Variants in MFSD6 observed in about 807,000 individuals in gnomAD.
MFSD6 encodes the protein major facilitator superfamily domain containing 6, also known as major facilitator superfamily domain-containing protein 6.
MFSD6 carries 26 observed loss-of-function variants against 56.3 expected under a neutral mutation model. The ratio of observed to expected loss-of-function variants is 0.46; its 90% CI spans 0.34 to 0.64. MFSD6 has a LOEUF of 0.64. Ranked by LOEUF, MFSD6 falls within the 30% of genes least tolerant of loss-of-function variation. The probability of loss-of-function intolerance (pLI) is 0.01; values close to 1 mark genes in which losing one functional copy is unlikely to be tolerated. For missense variants in MFSD6, 750 were observed against 986.2 expected (o/e 0.76, Z 3.21); for synonymous variants, 331 against 366.9 (o/e 0.90, Z 1.12).
At chr2:190,428,683 T>A (rs1685861408) in intron 2 of MFSD6, among the ~76,000 whole-genome samples, 1 of 151,948 alleles carries the variant, frequency 6.6e-6, no homozygotes, top group African/African-American at 2.4e-5. Context: ...ATTTATTTAT[T>A]TATTTATTGA....
rs181702343 is a variant in MFSD6 at position 190,444,209 on chromosome 2, T to C, written c.1532+6648T>C. Among the ~76,000 whole-genome samples, 411 of 152,356 alleles carry C rather than the reference T, an allele frequency of 2.7e-3. 2 individuals carry two copies. The highest frequency in any genetic ancestry group is 5.0e-3 in the Non-Finnish European group (340 of 68,030). On this transcript the variant is annotated intron_variant, in intron 3 of 7. Coordinates refer to ENST00000392328, the MANE Select transcript of MFSD6 (RefSeq NM_017694.4). ...TAATGAAATAAAAGGTAATAACTTT[T>C]CTTAGCACTGGTGAAATGAGACCTG... is the stretch of plus-strand genomic sequence containing the variant.
At chr2:190,422,306 C>A (rs1685646401) in intron 2 of MFSD6, among the ~76,000 whole-genome samples, 1 of 152,128 alleles carries the variant, frequency 6.6e-6, no homozygotes, top group Non-Finnish European at 1.5e-5. Flanking sequence ...GGTTGCCCTT[C>A]AAAGTTGTCA....
rs1486587256 is a variant in MFSD6 at position 190,425,872 on chromosome 2, A to C, written c.-53-10105A>C. ...GCATTGACAATTCTTTTCTTTTAGC[A>C]CTTAAAAAAAATTGTGCCACTTCCA... is the stretch of plus-strand genomic sequence containing the variant. On this transcript the variant is annotated intron_variant, in intron 2 of 7. Coordinates refer to ENST00000392328, the MANE Select transcript of MFSD6 (RefSeq NM_017694.4). This position sits in a 1 kb window ranked among gnomAD's most constrained non-coding sequence, Gnocchi z 4.3. 2.6e-5 allele frequency among the ~76,000 whole-genome samples: 4 copies of C among 152,062 alleles called. No homozygotes were observed. The highest frequency in any genetic ancestry group is 5.9e-5 in the Non-Finnish European group (4 of 68,014).
Position 190,431,689 on chromosome 2 carries a change from C to T in MFSD6, c.-53-4288C>T, listed in dbSNP as rs553184558. Among the ~76,000 whole-genome samples the T allele has an allele frequency of 1.4e-5, 2 of 142,198 alleles. No individual in the cohort carries two copies. Among genetic ancestry groups the T allele is most frequent in the Admixed American group, 6.8e-5 (1 of 14,790 alleles). 93.3% of individuals were successfully genotyped at this position (142,198 alleles called of 152,430 possible). On this transcript the variant is annotated intron_variant, in intron 2 of 7. Coordinates refer to ENST00000392328, the MANE Select transcript of MFSD6 (RefSeq NM_017694.4). This position sits in a 1 kb window ranked among gnomAD's most constrained non-coding sequence, Gnocchi z 4.4. ...AGCTTCGGCTCAGCATCAGGGAGAC[C>T]GTGGAAAGAGAGGGAGAGGGAGACT...
At chr2:190,446,298 C>T (rs183802497) in intron 3 of MFSD6, among the ~76,000 whole-genome samples, 13 of 152,206 alleles carry the variant, frequency 8.5e-5, no homozygotes, top group Non-Finnish European at 1.3e-4. Flanking sequence ...AACATAAAAG[C>T]CAGGTGGATG....
In MFSD6 at chr2:190,461,482, A is replaced by G. The variant is rs948548060; in HGVS notation, c.1533-8276A>G. 6.6e-6 allele frequency among the ~76,000 whole-genome samples: 1 copy of G among 152,210 alleles called. No homozygotes were observed. The highest frequency in any genetic ancestry group is 2.4e-5 in the African/African-American group (1 of 41,456). On this transcript the variant is annotated intron_variant, in intron 3 of 7. Transcript: ENST00000392328. This position sits in a 1 kb window ranked among gnomAD's most constrained non-coding sequence, Gnocchi z 5.5. ...ACTTCCTTTTTCTGACATAAATATT[A>G]CAATACTATACTTAATATTCTGCAA...
rs146450344 is a variant in MFSD6, at chr2:190,439,001, T to C, written c.1532+1440T>C. ...ACCAAAGTCAGGGACTGTGTGGATA[T>C]TTCCTGGACCCACAGAACCCCTGAG... On this transcript the variant is annotated intron_variant, in intron 3 of 7. Transcript: ENST00000392328. This position sits in a 1 kb window ranked among gnomAD's most constrained non-coding sequence, Gnocchi z 5.8. Among the ~76,000 whole-genome samples the C allele has an allele frequency of 1.1e-3, 165 of 152,230 alleles. 1 individual carries two copies. The highest frequency in any genetic ancestry group is 3.9e-3 in the African/African-American group (161 of 41,546).
chr2:190,433,647 C>T lies in MFSD6; in HGVS notation c.-53-2330C>T, dbSNP rs1176315239. Among the ~76,000 whole-genome samples the T allele has an allele frequency of 2.0e-5, 3 of 151,822 alleles. No individual in the cohort carries two copies. The highest frequency in any genetic ancestry group is 2.1e-4 in the South Asian group (1 of 4,800). Reference sequence around the variant, plus strand: ...TTAAATTTTTTTTAACCTAAAAAACCGACATGAACATTTTCAAAGCTTACA... The same window carrying T: ...TTAAATTTTTTTTAACCTAAAAAACTGACATGAACATTTTCAAAGCTTACA... On this transcript the variant is annotated intron_variant, in intron 2 of 7. Transcript: ENST00000392328. This position sits in a 1 kb window ranked among gnomAD's most constrained non-coding sequence, Gnocchi z 4.5.
chr2:190,480,586 C>T (rs1231839175), intron 4 of MFSD6, among the ~76,000 whole-genome samples: 1 of 152,242 alleles, frequency 6.6e-6, no homozygotes. Flanking sequence ...ACCCTCACCT[C>T]ACTCTATAAG....
In MFSD6 at chr2:190,437,356, TG is replaced by T. The variant is rs1686215369; in HGVS notation, c.1328del (p.Cys443SerfsTer46). 2 of 1,614,266 alleles carry T rather than the reference TG, an allele frequency of 1.2e-6. No individual in the cohort carries two copies. On this transcript the variant is annotated frameshift_variant, in exon 3 of 8. Coordinates refer to ENST00000392328, the MANE Select transcript of MFSD6 (RefSeq NM_017694.4). LOFTEE classifies it high-confidence loss of function. The surrounding 1 kb of genome is among the most constrained non-coding windows in gnomAD (Gnocchi z 5.9). ...FNFWDLIKLL[C>X]SVQYGSVLFV... ...CTTTTGGGACTTAATCAAGCTGCTCTGCAGCGTGCAGTATGGCTCAGTGCTG... is the reference window on the plus strand; with the variant it reads ...CTTTTGGGACTTAATCAAGCTGCTCTCAGCGTGCAGTATGGCTCAGTGCTG...
In MFSD6 at chr2:190,490,735, G is replaced by T. The variant is rs536998788; in HGVS notation, c.1891+869G>T. ...TTTTATGAAAAAGGTCAACCAGGAG[G>T]ATGAAAATATTTTTGCTCAGTTTTT... On this transcript the variant is annotated intron_variant, in intron 6 of 7. Transcript: ENST00000392328. The surrounding 1 kb of genome is among the most constrained non-coding windows in gnomAD (Gnocchi z 4.5). Among the ~76,000 whole-genome samples, 2 of 152,180 alleles carry T rather than the reference G, an allele frequency of 1.3e-5. No individual in the cohort carries two copies. The highest frequency in any genetic ancestry group is 2.4e-5 in the African/African-American group (1 of 41,428).
In MFSD6 at chr2:190,458,705, G is replaced by C. The variant is rs1217705018; in HGVS notation, c.1533-11053G>C. Among the ~76,000 whole-genome samples, 1 of 152,182 alleles carries C rather than the reference G, an allele frequency of 6.6e-6. No individual in the cohort carries two copies. Among genetic ancestry groups the C allele is most frequent in the African/African-American group, 2.4e-5 (1 of 41,444 alleles). ...GGAGGTCACTTGAGACTCTTTCAGTGAAAGTGGCAAAAATCCTTACCCAGA... is the reference window on the plus strand; with the variant it reads ...GGAGGTCACTTGAGACTCTTTCAGTCAAAGTGGCAAAAATCCTTACCCAGA... On this transcript the variant is annotated intron_variant, in intron 3 of 7. Transcript: ENST00000392328. This position sits in a 1 kb window ranked among gnomAD's most constrained non-coding sequence, Gnocchi z 5.3.
chr2:190,408,857 C>G (rs951427492), intron 1 of MFSD6, among the ~76,000 whole-genome samples: 3 of 152,186 alleles, frequency 2.0e-5, no homozygotes, highest in African/African-American at 4.8e-5. Flanking sequence ...GAGCCCTCGC[C>G]GGGCGCCCAC....
chr2:190,497,820 A>T lies in MFSD6; in HGVS notation c.2172+101A>T. On this transcript the variant is annotated intron_variant, in intron 7 of 7. Transcript: ENST00000392328. The surrounding 1 kb of genome is among the most constrained non-coding windows in gnomAD (Gnocchi z 5.2). ...ACTTTTCATTCAACAAGATTTATTGAAAGTCTGGTGGGGGAAATAGACATG... is the reference window on the plus strand; with the variant it reads ...ACTTTTCATTCAACAAGATTTATTGTAAGTCTGGTGGGGGAAATAGACATG... 1 of 1,370,638 alleles carries T rather than the reference A, an allele frequency of 7.3e-7. No individual in the cohort carries two copies. Among genetic ancestry groups the T allele is most frequent in the Non-Finnish European group, 1.0e-6 (1 of 1,004,250 alleles). 84.9% of individuals were successfully genotyped at this position (1,370,638 alleles called of 1,614,324 possible).
At position 190,426,458 on chromosome 2, in the gene MFSD6, T is replaced by G. The variant is rs903747493; in HGVS notation, c.-53-9519T>G. On this transcript the variant is annotated intron_variant, in intron 2 of 7. Transcript: ENST00000392328. The surrounding 1 kb of genome is among the most constrained non-coding windows in gnomAD (Gnocchi z 4.7). The stretch of plus-strand genomic sequence containing the variant: ...TTTCAAGCATGTTTATAATTGCCTA[T>G]CTAAGCATTTTTAGGATGGCTTTTT... Among the ~76,000 whole-genome samples, 1 of 152,234 alleles carries G rather than the reference T, an allele frequency of 6.6e-6. No individual in the cohort carries two copies. The highest frequency in any genetic ancestry group is 1.5e-5 in the Non-Finnish European group (1 of 68,046).
chr2:190,432,460 G>A (rs1042924969), intron 2 of MFSD6, among the ~76,000 whole-genome samples: 4 of 152,152 alleles, frequency 2.6e-5, no homozygotes, highest in Non-Finnish European at 5.9e-5. Context: ...CGTCACCCAG[G>A]CTGGAGAATG....
chr2:190,428,298 C>A lies in MFSD6; in HGVS notation c.-53-7679C>A, dbSNP rs567614855. ...GCCATTAAAATTATTCTGCAGTGAACATGTTTATAGATGTCTTTCGGTGAA... is the reference window on the plus strand; with the variant it reads ...GCCATTAAAATTATTCTGCAGTGAAAATGTTTATAGATGTCTTTCGGTGAA... On this transcript the variant is annotated intron_variant, in intron 2 of 7. Coordinates refer to ENST00000392328, the MANE Select transcript of MFSD6 (RefSeq NM_017694.4). Among the ~76,000 whole-genome samples the A allele has an allele frequency of 6.6e-5, 10 of 152,302 alleles. No individual in the cohort carries two copies. The South Asian group carries it at 1.7e-3, about 25-fold the overall frequency.
chr2:190,423,302 A>G lies in MFSD6; in HGVS notation c.-54+7889A>G, dbSNP rs1225752479. Among the ~76,000 whole-genome samples the G allele has an allele frequency of 6.6e-6, 1 of 152,108 alleles. No individual in the cohort carries two copies. The highest frequency in any genetic ancestry group is 6.5e-5 in the Admixed American group (1 of 15,272). On this transcript the variant is annotated intron_variant, in intron 2 of 7. Transcript: ENST00000392328. The surrounding 1 kb of genome is among the most constrained non-coding windows in gnomAD (Gnocchi z 4.3). ...TACTTCCCTCCTGTCCCCACTCTCT[A>G]GTGAATTCCTGGCAATCACCTGTCT...
rs1056775580 is a variant in MFSD6 at position 190,471,879 on chromosome 2, CT to C, written c.1630+2025del. Among the ~76,000 whole-genome samples, 3 of 152,198 alleles carry C rather than the reference CT, an allele frequency of 2.0e-5. No individual in the cohort carries two copies. Among genetic ancestry groups the C allele is most frequent in the African/African-American group, 7.2e-5 (3 of 41,436 alleles). On this transcript the variant is annotated intron_variant, in intron 4 of 7. Transcript: ENST00000392328. This position sits in a 1 kb window ranked among gnomAD's most constrained non-coding sequence, Gnocchi z 4.7. Reference sequence around the variant, plus strand: ...TGATAACTCATACGGCCGGGTACCCCTCTGAGACAAAACTTCCAGAGGAACG... The same window carrying C: ...TGATAACTCATACGGCCGGGTACCCCCTGAGACAAAACTTCCAGAGGAACG...
Sources: allele counts gnomAD v4.1 joint callset (sites outside exome capture counted in the v4.1 genomes callset), GRCh38; gene constraint gnomAD v4.1.1; non-coding constraint Gnocchi (gnomAD v3.1); transcripts MANE v1.5; gene names NCBI Gene and HGNC (gene_info 2026-07-23, HGNC 2026-07-21).